CLCNKA: variants seen among roughly 807,000 people sequenced by gnomAD.
The protein encoded by CLCNKA is chloride voltage-gated channel Ka, also known as chloride channel protein ClC-Ka.
Under a neutral mutation model 83.3 loss-of-function variants are expected in CLCNKA, and 66 were observed. The ratio of observed to expected loss-of-function variants is 0.79; its 90% CI spans 0.65 to 0.97. The LOEUF (loss-of-function observed/expected upper bound fraction) is 0.97, where lower values mean the gene tolerates loss of function less well. Among genes scored for constraint, CLCNKA ranks in the 50% least tolerant of loss-of-function variants. The pLI, the probability that CLCNKA is intolerant of heterozygous loss-of-function variation, is 0.00. For missense variants in CLCNKA, 806 were observed against 888.7 expected (o/e 0.91, Z 1.18); for synonymous variants, 357 against 370.4 (o/e 0.96, Z 0.42).
At chr1:16,024,962 G>A in intron 4 of CLCNKA, 71 bp downstream of exon 4, 2 of 1,590,986 alleles carry the variant, frequency 1.3e-6, no homozygotes, top group Non-Finnish European at 1.7e-6. Context: ...TTCTGATGGG[G>A]GGAATCGGGA....
intron 16 of CLCNKA, 93 bp downstream of exon 16, chr1:16,031,936 C>A: frequency 6.3e-7 from 1 of 1,593,486 alleles, no homozygotes; most frequent in Non-Finnish European, 8.6e-7. Context: ...TGCATCCAGG[C>A]TCTGTGACTT....
At chr1:16,022,942 G>A (rs1269382587) in intron 2 of CLCNKA, among the ~76,000 whole-genome samples, 1 of 152,238 alleles carries the variant, frequency 6.6e-6, no homozygotes, top group Non-Finnish European at 1.5e-5. Flanking sequence ...AGGAGATACA[G>A]CCCAAGGCCT....
In CLCNKA at chr1:16,022,717, A is replaced by C. The variant is rs1231733136; in HGVS notation, c.98A>C (p.Gln33Pro). Residue 33 changes from glutamine to proline, a missense_variant and splice_region_variant, in exon 2 of 20, where the codon CAA (glutamine) becomes CCA (proline). Physicochemically the swap from Gln to Pro is moderately conservative, Grantham distance 76. Transcript: ENST00000331433. ...TGTCCCCACATCCGCCGAGCCATCC[A>C]AGGTGAGAGCCAGGTCCTCTTCCCT... The part of the protein sequence containing the change: ...GPCPHIRRAI[Q>P]GGLEWLKQKV... 2 of 1,531,816 alleles carry C rather than the reference A, an allele frequency of 1.3e-6. No homozygotes were observed. The highest frequency in any genetic ancestry group is 2.4e-5 in the East Asian group (1 of 41,388). The allele number at this position is 1,531,816 out of a possible 1,614,324, so 94.9% of individuals were successfully genotyped here. A position where few individuals can be genotyped will look rare whatever the true frequency, so the allele number is the denominator to read the frequency against.
chr1:16,027,193 T>C (rs1198808318), intron 7 of CLCNKA, 117 bp from the exon 8 acceptor site: 10 of 1,462,302 alleles, frequency 6.8e-6, no homozygotes, highest in Non-Finnish European at 8.5e-6. Flanking sequence ...TCTGTCCCTG[T>C]CCGGGCTGTA....
chr1:16,025,617 G>A (rs1161317360), intron 4 of CLCNKA, among the ~76,000 whole-genome samples: 4 of 144,838 alleles, frequency 2.8e-5, no homozygotes, highest in African/African-American at 9.7e-5. Flanking sequence ...GCCTGAGGAA[G>A]TCGGGGTTAT....
At position 16,028,117 on chromosome 1, in the gene CLCNKA, T is replaced by C. The variant is rs768170598; in HGVS notation, c.966T>C (p.Thr322=). ...TNRYSSKLLA[T]SKPVYSALAT... The stretch of plus-strand genomic sequence containing the variant: ...GGTACAGCTCCAAACTGCTGGCTAC[T>C]AGGTAGGCTCTGGGCTAGGGGCTGG... The change falls in exon 10 of 20, where the codon ACT becomes ACC. Residue 322 remains threonine (T), a splice_region_variant and synonymous_variant. Coordinates refer to ENST00000331433, the MANE Select transcript of CLCNKA (RefSeq NM_004070.4). 1 of 1,542,988 alleles carries C rather than the reference T, an allele frequency of 6.5e-7. No homozygotes were observed. The highest frequency in any genetic ancestry group is 9.0e-7 in the Non-Finnish European group (1 of 1,116,186).
At position 16,026,787 on chromosome 1, in the gene CLCNKA, C is replaced by G; in HGVS notation, c.655+12C>G. The stretch of plus-strand genomic sequence containing the variant: ...AGCTCCCTTCAGCGGTGAGACCCCC[C>G]TCATGCCCCGCCCCCTGGGTCCCTC... On this transcript the variant is annotated intron_variant, in intron 7 of 19. Coordinates refer to ENST00000331433, the MANE Select transcript of CLCNKA (RefSeq NM_004070.4). The G allele has an allele frequency of 6.2e-7, 1 of 1,604,494 alleles. No individual in the cohort carries two copies. Among genetic ancestry groups the G allele is most frequent in the Non-Finnish European group, 8.5e-7 (1 of 1,171,380 alleles).
intron 4 of CLCNKA, among the ~76,000 whole-genome samples, chr1:16,025,161 C>T (rs1385737040): frequency 6.6e-6 from 1 of 152,186 alleles, no homozygotes; most frequent in African/African-American, 2.4e-5. Flanking sequence ...GGTGCCGCTC[C>T]CTCAGGCCAC....
rs146937849 is a variant in CLCNKA at position 16,030,492 on chromosome 1, C to T, written c.1440C>T (p.His480=). 4 of 1,612,846 alleles carry T rather than the reference C, an allele frequency of 2.5e-6. No homozygotes were observed. The highest frequency in any genetic ancestry group is 1.7e-4 in the Middle Eastern group (1 of 6,052). ...GAAAFSGAVT[H]TISTALLAFE... Reference sequence around the variant, plus strand: ...CAGCCTTCTCAGGGGCTGTGACCCACACCATCTCCACGGCGCTGCTGGCCT... The same window carrying T: ...CAGCCTTCTCAGGGGCTGTGACCCATACCATCTCCACGGCGCTGCTGGCCT... Residue 480 remains histidine, a synonymous_variant, in exon 15 of 20, where the codon CAC becomes CAT. Coordinates refer to ENST00000331433, the MANE Select transcript of CLCNKA (RefSeq NM_004070.4).
chr1:16,031,634 T>A, intron 15 of CLCNKA, 76 bp from the exon 16 acceptor site: 1 of 1,605,670 alleles, frequency 6.2e-7, no homozygotes, highest in African/African-American at 1.3e-5. Flanking sequence ...CAAGCAAAGC[T>A]CCCCTCAGAT....
Position 16,027,293 on chromosome 1 carries a change from A to G in CLCNKA, c.656-17A>G. 1 of 1,612,602 alleles carries G rather than the reference A, an allele frequency of 6.2e-7. No homozygotes were observed. Among genetic ancestry groups the G allele is most frequent in the Admixed American group, 1.7e-5 (1 of 60,016 alleles). On this transcript the variant is annotated splice_polypyrimidine_tract_variant and intron_variant, in intron 7 of 19. Transcript: ENST00000331433. Reference sequence around the variant, plus strand: ...GGGTGGGGGTGGGGGCCCACCTGACATCAGTGTCGCCCCCAGGCGTCCTGT... The same window carrying G: ...GGGTGGGGGTGGGGGCCCACCTGACGTCAGTGTCGCCCCCAGGCGTCCTGT...
intron 13 of CLCNKA, 69 bp downstream of exon 13, chr1:16,029,869 C>A: frequency 6.2e-7 from 1 of 1,608,400 alleles, no homozygotes; most frequent in Non-Finnish European, 8.5e-7. Flanking sequence ...TCCTGGTTCA[C>A]CCTCTTCCCG....
Position 16,030,062 on chromosome 1 carries a change from G to C in CLCNKA, c.1395G>C (p.Gly465=), listed in dbSNP as rs762542423. 4 of 1,606,236 alleles carry C rather than the reference G, an allele frequency of 2.5e-6. No homozygotes were observed. In the Admixed American group the frequency reaches 6.7e-5, roughly 27 times the overall value. Reference sequence around the variant, plus strand: ...TTACCAATCCCATCATGCCCGGGGGGTATGCTCTGGCAGGTGAGTGGGTCA... The same window carrying C: ...TTACCAATCCCATCATGCCCGGGGGCTATGCTCTGGCAGGTGAGTGGGTCA... ...GGVTNPIMPG[G]YALAGAAAFS... Residue 465 remains glycine, a synonymous_variant, in exon 14 of 20, where the codon GGG becomes GGC. Coordinates refer to ENST00000331433, the MANE Select transcript of CLCNKA (RefSeq NM_004070.4).
chr1:16,027,184 C>T, intron 7 of CLCNKA, 126 bp from the exon 8 acceptor site: 2 of 1,405,352 alleles, frequency 1.4e-6, no homozygotes, highest in South Asian at 1.2e-5. Context: ...CCCCTTCTGT[C>T]TGTCCCTGTC....
At position 16,031,913 on chromosome 1, in the gene CLCNKA, G is replaced by T. The variant is rs777646330; in HGVS notation, c.1756+70G>T. The T allele has an allele frequency of 3.4e-5, 54 of 1,568,714 alleles. No individual in the cohort carries two copies. In the Admixed American group the frequency reaches 9.1e-4, roughly 26 times the overall value. On this transcript the variant is annotated intron_variant, in intron 16 of 19. Coordinates refer to ENST00000331433, the MANE Select transcript of CLCNKA (RefSeq NM_004070.4). ...CTCTGCCTCCTTCTTGAACCTGTCA[G>T]GCAGACAGGATCTGCATCCAGGCTC...
chr1:16,024,935 C>G, intron 4 of CLCNKA, 44 bp downstream of exon 4: 1 of 1,612,752 alleles, frequency 6.2e-7, no homozygotes, highest in South Asian at 1.1e-5. Flanking sequence ...CCAAAACCTT[C>G]TCAGATCCCA....
chr1:16,026,121 G>A lies in CLCNKA; in HGVS notation c.372G>A (p.Pro124=), dbSNP rs775552211. 7 of 1,612,706 alleles carry A rather than the reference G, an allele frequency of 4.3e-6. No individual in the cohort carries two copies. The highest frequency in any genetic ancestry group is 2.2e-5 in the East Asian group (1 of 44,876). The change falls in exon 5 of 20, where the codon CCG becomes CCA. Residue 124 remains proline, a synonymous_variant. Coordinates refer to ENST00000331433, the MANE Select transcript of CLCNKA (RefSeq NM_004070.4). ...TGTCTGGCTAAGGTTCTGGAATCCC[G>A]GAGCTGAAGACCATGTTGGCGGGTG... ...ITPSSGGSGI[P]ELKTMLAGVI...
chr1:16,032,080 G>A, intron 16 of CLCNKA, 123 bp from the exon 17 acceptor site: 5 of 1,179,160 alleles, frequency 4.2e-6, no homozygotes, highest in Non-Finnish European at 6.3e-6. Context: ...GTGCTTGTAA[G>A]GCAGTCCCTG....
chr1:16,032,228 G>T lies in CLCNKA; in HGVS notation c.1782G>T (p.Val594=). The T allele has an allele frequency of 1.2e-6, 2 of 1,612,334 alleles. No homozygotes were observed. The highest frequency in any genetic ancestry group is 1.7e-6 in the Non-Finnish European group (2 of 1,179,764). Residue 594 remains valine, a synonymous_variant, in exon 17 of 20, where the codon GTG becomes GTT. Transcript: ENST00000331433. ...STESQILVGI[V]QRAQLVQALQ... ...AGTCCCAGATCCTGGTAGGCATCGT[G>T]CAGAGGGCCCAGCTGGTGCAGGCCC... is the stretch of plus-strand genomic sequence containing the variant.
Sources: allele counts gnomAD v4.1 joint callset (sites outside exome capture counted in the v4.1 genomes callset), GRCh38; gene constraint gnomAD v4.1.1; transcripts MANE v1.5; gene names NCBI Gene and HGNC (gene_info 2026-07-23, HGNC 2026-07-21).